Variants in DNAH14 observed in about 807,000 individuals in gnomAD.
The protein encoded by DNAH14 is dynein axonemal heavy chain 14.
Under a neutral mutation model 520.9 loss-of-function variants are expected in DNAH14, and 478 were observed. That is an observed-to-expected ratio of 0.92 (90% CI 0.85 to 0.99). The LOEUF (loss-of-function observed/expected upper bound fraction) is 0.99, where lower values mean the gene tolerates loss of function less well. DNAH14 is among the 50% of genes least tolerant of loss of function. The pLI is 0.00. For missense variants in DNAH14, 4,831 were observed against 5,234.5 expected, an observed-to-expected ratio of 0.92 and a Z score of 2.38; for synonymous variants, 1,581 against 1,757.2, an observed-to-expected ratio of 0.90 and a Z score of 2.51.
chr1:225,170,149 C>T (rs2082459944), intron 36 of DNAH14, among the ~76,000 whole-genome samples: 1 of 152,174 alleles, frequency 6.6e-6, no homozygotes, highest in African/African-American at 2.4e-5. Flanking sequence ...CAACCAGTAC[C>T]AGCCACTGCA....
intron 35 of DNAH14, among the ~76,000 whole-genome samples, chr1:225,160,596 A>G (rs1470086791): frequency 6.6e-6 from 1 of 152,126 alleles, no homozygotes; most frequent in African/African-American, 2.4e-5. Context: ...TGAATTTAAA[A>G]TTTATATCTC....
chr1:225,185,220 G>GAT, intron 36 of DNAH14, 71 bp from the exon 37 acceptor site: 1 of 1,442,730 alleles, frequency 6.9e-7, no homozygotes, highest in African/African-American at 1.5e-5. Context: ...ATAGTCAATG[G>GAT]ATATAGAGAT....
At chr1:225,303,842 C>T (rs541097536) in intron 57 of DNAH14, among the ~76,000 whole-genome samples, 1 of 152,238 alleles carries the variant, frequency 6.6e-6, no homozygotes, top group Admixed American at 6.5e-5. Context: ...ACCTAGCTGA[C>T]AGCAAAGGGG....
chr1:225,050,642 T>G (rs1271733396), intron 16 of DNAH14, among the ~76,000 whole-genome samples: 1 of 152,222 alleles, frequency 6.6e-6, no homozygotes, highest in Non-Finnish European at 1.5e-5. Flanking sequence ...TTGCCATACC[T>G]CAACTCTTTC....
intron 12 of DNAH14, among the ~76,000 whole-genome samples, chr1:225,042,545 A>G (rs2067574833): frequency 6.6e-6 from 1 of 152,184 alleles, no homozygotes; most frequent in African/African-American, 2.4e-5. Context: ...CTCTGGGGAT[A>G]GGACCTAAGA....
At chr1:225,298,728 A>T (rs2094070886) in intron 55 of DNAH14, among the ~76,000 whole-genome samples, 1 of 152,124 alleles carries the variant, frequency 6.6e-6, no homozygotes, top group Non-Finnish European at 1.5e-5. Context: ...GGTGGGTGGG[A>T]AGTACACACC....
At chr1:225,105,403 C>T (rs553296892) in intron 23 of DNAH14, among the ~76,000 whole-genome samples, 136 of 152,130 alleles carry the variant, frequency 8.9e-4, no homozygotes, top group African/African-American at 2.9e-3. Context: ...CTATTAGGTC[C>T]GCTTGGTGCA....
intron 54 of DNAH14, 113 bp downstream of exon 54, chr1:225,277,615 A>G: frequency 2.4e-6 from 1 of 408,724 alleles, no homozygotes. Context: ...AAAAATCACA[A>G]TAACTGAGTC....
intron 75 of DNAH14, 67 bp from the exon 76 acceptor site, chr1:225,364,723 CTA>C (rs2095532221): frequency 8.7e-7 from 1 of 1,145,198 alleles, no homozygotes; most frequent in Non-Finnish European, 1.2e-6. Flanking sequence ...CAGTGAAATG[CTA>C]TGATTCTAAA....
At chr1:224,943,292 A>G (rs2489304) in intron 1 of DNAH14, among the ~76,000 whole-genome samples, 22,982 of 152,104 alleles carry the variant, frequency 0.15, 3,207 homozygotes, top group African/African-American at 0.36. Flanking sequence ...AGAGGTGTTT[A>G]TAGTATTCTC....
chr1:225,169,563 G>C (rs983924069), intron 36 of DNAH14, among the ~76,000 whole-genome samples: 3 of 152,090 alleles, frequency 2.0e-5, no homozygotes, highest in Non-Finnish European at 4.4e-5. Context: ...GAGAAGAGAA[G>C]TTTAGAGAAA....
chr1:225,191,931 C>T (rs1310814672), intron 37 of DNAH14, among the ~76,000 whole-genome samples: 1 of 151,898 alleles, frequency 6.6e-6, no homozygotes, highest in Non-Finnish European at 1.5e-5. Flanking sequence ...ATAATAGTTC[C>T]TACTTGTTCT....
At chr1:225,250,225 C>T (rs1437108101) in intron 43 of DNAH14, among the ~76,000 whole-genome samples, 2 of 152,192 alleles carry the variant, frequency 1.3e-5, no homozygotes, top group African/African-American at 4.8e-5. Context: ...TTCTCCAAAT[C>T]CTCCCCAATA....
chr1:224,958,556 A>G (rs2060651672), intron 3 of DNAH14, among the ~76,000 whole-genome samples: 1 of 152,108 alleles, frequency 6.6e-6, no homozygotes, highest in South Asian at 2.1e-4. Flanking sequence ...GGGATGATGG[A>G]TTGTAAGAAA....
chr1:225,137,146 T>G (rs894679241), intron 27 of DNAH14, among the ~76,000 whole-genome samples: 3 of 152,184 alleles, frequency 2.0e-5, no homozygotes, highest in Non-Finnish European at 4.4e-5. Context: ...GAAGCCTTAT[T>G]TCTGCCAATT....
At chr1:225,091,041 A>G (rs2074341021) in intron 21 of DNAH14, among the ~76,000 whole-genome samples, 1 of 152,006 alleles carries the variant, frequency 6.6e-6, no homozygotes, top group Non-Finnish European at 1.5e-5. Context: ...AAAACAAAAC[A>G]ATCCTGTAAA....
chr1:224,958,090 G>T (rs1382975820), intron 3 of DNAH14, among the ~76,000 whole-genome samples: 1 of 152,048 alleles, frequency 6.6e-6, no homozygotes, highest in Non-Finnish European at 1.5e-5. Context: ...TGCACATGTG[G>T]GTTGCTTTGT....
chr1:225,093,382 C>A (rs1482844687), intron 21 of DNAH14, among the ~76,000 whole-genome samples: 2 of 152,082 alleles, frequency 1.3e-5, no homozygotes, highest in Admixed American at 6.5e-5. Context: ...AAACAAAAAT[C>A]ACATGATTAT....
chr1:225,331,187 A>C (rs994652760), intron 64 of DNAH14, among the ~76,000 whole-genome samples: 2 of 151,206 alleles, frequency 1.3e-5, no homozygotes, highest in Non-Finnish European at 2.9e-5. Context: ...TGAATCTACA[A>C]ACGCTAGGAT....
Sources: allele counts gnomAD v4.1 joint callset (sites outside exome capture counted in the v4.1 genomes callset), GRCh38; gene constraint gnomAD v4.1.1; transcripts MANE v1.5; gene names NCBI Gene and HGNC (gene_info 2026-07-23, HGNC 2026-07-21).